LRP1B: variants seen among roughly 807,000 people sequenced by gnomAD.
LRP1B encodes the protein LDL receptor related protein 1B.
A neutral mutation model predicts 556.6 loss-of-function variants in LRP1B; 217 were observed. The observed-to-expected ratio is 0.39, with a 90% CI of 0.35 to 0.44. The LOEUF (loss-of-function observed/expected upper bound fraction) is 0.44, where lower values mean the gene tolerates loss of function less well. LRP1B is among the 20% of genes least tolerant of loss of function. The probability of loss-of-function intolerance (pLI) is 1.00; values close to 1 mark genes in which losing one functional copy is unlikely to be tolerated. For missense variants in LRP1B, 5,053 were observed against 5,620.8 expected (o/e 0.90, Z 3.23); for synonymous variants, 2,047 against 1,865.8 (o/e 1.10, Z -2.50).
chr2:140,442,058 TTTTA>T (rs1686451924), intron 66 of LRP1B, among the ~76,000 whole-genome samples: 1 of 152,200 alleles, frequency 6.6e-6, no homozygotes, highest in Non-Finnish European at 1.5e-5. Context: ...AACAGATGCT[TTTTA>T]TTATCTTTTT....
chr2:141,308,785 T>A (rs1440421123), intron 3 of LRP1B, among the ~76,000 whole-genome samples: 1 of 152,130 alleles, frequency 6.6e-6, no homozygotes, highest in Non-Finnish European at 1.5e-5. Context: ...TTTTAATAAT[T>A]ACCATCATCC....
intron 3 of LRP1B, among the ~76,000 whole-genome samples, chr2:141,465,722 G>A (rs980691246): frequency 6.6e-6 from 1 of 151,762 alleles, no homozygotes; most frequent in African/African-American, 2.4e-5. Flanking sequence ...GCTAAATTTT[G>A]TATTTTTTGT....
chr2:140,514,714 A>G lies in LRP1B; in HGVS notation c.8208T>C (p.His2736=), dbSNP rs1047828863. The G allele has an allele frequency of 2.5e-6, 4 of 1,612,698 alleles. No individual in the cohort carries two copies. Among genetic ancestry groups the G allele is most frequent in the East Asian group, 4.5e-5 (2 of 44,822 alleles). Residue 2736 remains histidine, a synonymous_variant, in exon 51 of 91, where the codon CAT becomes CAC. Transcript: ENST00000389484. ...ACSAQKCISK[H]WICDGEDDCG... is the part of the protein sequence containing the mutation. ...AGTCATCTTCTCCATCACAAATCCA[A>G]TGCTTAGAAATACATTTTTGTGCGG... is the stretch of plus-strand genomic sequence containing the variant.
intron 1 of LRP1B, among the ~76,000 whole-genome samples, chr2:141,875,861 T>TTATA (rs1263611880): frequency 6.6e-6 from 1 of 151,974 alleles, no homozygotes; most frequent in East Asian, 1.9e-4. Flanking sequence ...ATATGTATAC[T>TTATA]TATATATGTT....
chr2:140,730,792 C>T (rs1041096294), intron 35 of LRP1B, among the ~76,000 whole-genome samples: 4 of 152,112 alleles, frequency 2.6e-5, no homozygotes, highest in African/African-American at 7.2e-5. Context: ...CTCCTGACCT[C>T]GTGATCCGCC....
chr2:140,968,245 T>C (rs1394629658), intron 18 of LRP1B, among the ~76,000 whole-genome samples: 1 of 151,960 alleles, frequency 6.6e-6, no homozygotes, highest in Non-Finnish European at 1.5e-5. Flanking sequence ...AACTTCTTCC[T>C]GGTTTAGTCT....
At chr2:140,243,139 G>T (rs1681021717) in intron 87 of LRP1B, among the ~76,000 whole-genome samples, 1 of 151,042 alleles carries the variant, frequency 6.6e-6, no homozygotes, top group Admixed American at 6.6e-5. Context: ...TGAGATCCCT[G>T]TGGAATATAG....
In LRP1B at chr2:141,801,472, G is replaced by C. The variant is rs958243164; in HGVS notation, c.205+8807C>G. ...CCTGGCCTGTTTTTTGTGTTGTAAC[G>C]AGATAGCTTTGCAAAGATAGCCGTT... On this transcript the variant is annotated intron_variant, in intron 2 of 90. Coordinates refer to ENST00000389484, the MANE Select transcript of LRP1B (RefSeq NM_018557.3). 2.0e-5 allele frequency among the ~76,000 whole-genome samples: 3 copies of C among 152,166 alleles called. 1 individual carries two copies. In the South Asian group the frequency reaches 6.2e-4, roughly 32 times the overall value.
chr2:140,619,871 A>G (rs115164722), intron 41 of LRP1B, among the ~76,000 whole-genome samples: 6,261 of 152,282 alleles, frequency 0.041, 179 homozygotes, highest in Middle Eastern at 0.082. Context: ...AAAGATACTT[A>G]TGACCAAAAA....
At chr2:141,586,333 A>T (rs879522070) in intron 2 of LRP1B, among the ~76,000 whole-genome samples, 6 of 151,808 alleles carry the variant, frequency 4.0e-5, no homozygotes, top group Non-Finnish European at 7.4e-5. Flanking sequence ...TGAGATTTTC[A>T]TTTTTTTTCC....
At chr2:141,996,632 G>C (rs1559011179) in intron 1 of LRP1B, among the ~76,000 whole-genome samples, 2 of 152,008 alleles carry the variant, frequency 1.3e-5, no homozygotes, top group Non-Finnish European at 2.9e-5. Context: ...TGACATAGCA[G>C]TTCTCAATTC....
chr2:140,454,460 T>C (rs1182423632), intron 62 of LRP1B, among the ~76,000 whole-genome samples: 1 of 152,142 alleles, frequency 6.6e-6, no homozygotes, highest in Admixed American at 6.6e-5. Context: ...CAATTAACTT[T>C]TTCCTTGAAG....
intron 29 of LRP1B, among the ~76,000 whole-genome samples, chr2:140,842,197 C>T (rs1200219748): frequency 1.3e-5 from 2 of 152,132 alleles, no homozygotes; most frequent in African/African-American, 4.8e-5. Context: ...AGCCAGAAAG[C>T]TAGATTTTTT....
intron 23 of LRP1B, among the ~76,000 whole-genome samples, chr2:140,889,371 T>C (rs1400831149): frequency 1.3e-5 from 2 of 152,152 alleles, no homozygotes; most frequent in African/African-American, 4.8e-5. Flanking sequence ...TCTTGACTCA[T>C]TGAAACCTCT....
chr2:140,937,348 C>G (rs140633158), intron 20 of LRP1B, among the ~76,000 whole-genome samples: 1 of 152,012 alleles, frequency 6.6e-6, no homozygotes, highest in Non-Finnish European at 1.5e-5. Context: ...CAGTTACAAA[C>G]AAAAACAAAT....
chr2:140,521,686 A>G (rs1470421945), intron 49 of LRP1B, among the ~76,000 whole-genome samples: 1 of 152,060 alleles, frequency 6.6e-6, no homozygotes, highest in African/African-American at 2.4e-5. Context: ...TCACATATCA[A>G]TATTAACCTT....
intron 41 of LRP1B, among the ~76,000 whole-genome samples, chr2:140,670,529 G>A (rs1390169412): frequency 1.3e-5 from 2 of 152,108 alleles, no homozygotes; most frequent in African/African-American, 4.8e-5. Flanking sequence ...GAGGCAGTGA[G>A]GTCCCCAGAT....
chr2:140,463,221 A>G (rs945308776), intron 60 of LRP1B, among the ~76,000 whole-genome samples: 2 of 152,106 alleles, frequency 1.3e-5, no homozygotes, highest in African/African-American at 4.8e-5. Context: ...GAAGAGTGAC[A>G]AAGAGTGGGT....
intron 2 of LRP1B, among the ~76,000 whole-genome samples, chr2:141,741,407 A>G (rs1177920892): frequency 3.0e-4 from 45 of 150,728 alleles, no homozygotes; most frequent in Non-Finnish European, 2.9e-5. Flanking sequence ...ACAAATTTAC[A>G]TTCCTACCAA....
Sources: allele counts gnomAD v4.1 joint callset (sites outside exome capture counted in the v4.1 genomes callset), GRCh38; gene constraint gnomAD v4.1.1; transcripts MANE v1.5; gene names NCBI Gene and HGNC (gene_info 2026-07-23, HGNC 2026-07-21).